Variants in KRAS observed in about 807,000 individuals in gnomAD.
KRAS encodes the protein GTPase KRas.
KRAS carries 1 observed loss-of-function variant against 21.0 expected under a neutral mutation model. That is an observed-to-expected ratio of 0.05 (90% CI 0.02 to 0.23). The LOEUF is 0.23. Among genes scored for constraint, KRAS ranks in the 10% least tolerant of loss-of-function variants. The probability of loss-of-function intolerance (pLI) is 1.00; values close to 1 mark genes in which losing one functional copy is unlikely to be tolerated. For synonymous variants in KRAS, 67 were observed against 72.5 expected (o/e 0.92, Z 0.39); for missense variants, 107 against 221.8 (o/e 0.48, Z 3.29).
At chr12:25,221,684 C>G (rs1951327802) in intron 4 of KRAS, among the ~76,000 whole-genome samples, 1 of 152,036 alleles carries the variant, frequency 6.6e-6, no homozygotes, top group South Asian at 2.1e-4. Flanking sequence ...ATTTGCCAGC[C>G]TCTGATTTAC....
intron 2 of KRAS, among the ~76,000 whole-genome samples, chr12:25,228,803 G>A (rs1951427027): frequency 6.6e-6 from 1 of 152,190 alleles, no homozygotes; most frequent in Non-Finnish European, 1.5e-5. Context: ...GCTCACACTT[G>A]CAATCCCAAC....
At chr12:25,220,510 C>T (rs984311094) in intron 4 of KRAS, among the ~76,000 whole-genome samples, 2 of 152,092 alleles carry the variant, frequency 1.3e-5, no homozygotes, top group Non-Finnish European at 2.9e-5. Flanking sequence ...GGGCAGATCA[C>T]GAGGTCAAGA....
At chr12:25,218,846 C>T (rs891534357) in intron 4 of KRAS, among the ~76,000 whole-genome samples, 5 of 152,062 alleles carry the variant, frequency 3.3e-5, no homozygotes, top group Admixed American at 6.5e-5. Context: ...TCATTAAGCT[C>T]TTAACTAGCA....
intron 2 of KRAS, among the ~76,000 whole-genome samples, chr12:25,240,946 A>T (rs557857644): frequency 4.6e-5 from 7 of 152,312 alleles, no homozygotes; most frequent in Middle Eastern, 3.4e-3. Flanking sequence ...GCACTTTCAC[A>T]ATTTGCCACT....
rs189290562 is a variant in KRAS, at chr12:25,229,093, C to A, written c.112-1681G>T. Among the ~76,000 whole-genome samples, 400 of 151,940 alleles carry A rather than the reference C, an allele frequency of 2.6e-3. 2 individuals are homozygous for A. Among genetic ancestry groups the A allele is most frequent in the African/African-American group, 8.8e-3 (366 of 41,468 alleles). ...AAACAAAACAAATGAAAGAAAACTACCATGGTAAACTTTATGTTATGCATA... is the reference window on the plus strand; with the variant it reads ...AAACAAAACAAATGAAAGAAAACTAACATGGTAAACTTTATGTTATGCATA... On this transcript the variant is annotated intron_variant, in intron 2 of 4. Coordinates refer to ENST00000311936, the MANE Select transcript of KRAS (RefSeq NM_004985.5).
At chr12:25,246,607 A>C (rs1475068913) in intron 1 of KRAS, among the ~76,000 whole-genome samples, 1 of 152,054 alleles carries the variant, frequency 6.6e-6, no homozygotes, top group Non-Finnish European at 1.5e-5. Context: ...GTTTTTAGTA[A>C]GAAAACAGCT....
At position 25,250,753 on chromosome 12, in the gene KRAS, C is replaced by G. The variant is rs1592829132; in HGVS notation, c.-14G>C. ...AGGAGGGGTGGTCCGCTCCGTACCTCTCTCCCGCACCTGGGAGCCGCTGAG... is the reference window on the plus strand; with the variant it reads ...AGGAGGGGTGGTCCGCTCCGTACCTGTCTCCCGCACCTGGGAGCCGCTGAG... On this transcript the variant is annotated splice_region_variant and 5_prime_UTR_variant, in exon 1 of 5. Coordinates refer to ENST00000311936, the MANE Select transcript of KRAS (RefSeq NM_004985.5). 5 of 197,210 alleles carry G rather than the reference C, an allele frequency of 2.5e-5. No homozygotes were observed. In the East Asian group the frequency reaches 3.2e-4, roughly 13 times the overall value. 12.2% of individuals were successfully genotyped at this position (197,210 alleles called of 1,614,324 possible).
intron 1 of KRAS, among the ~76,000 whole-genome samples, chr12:25,246,578 A>C (rs1307084117): frequency 1.3e-5 from 2 of 151,260 alleles, no homozygotes; most frequent in Non-Finnish European, 2.9e-5. Flanking sequence ...AACAAACAAA[A>C]AGATTAGAGA....
At chr12:25,242,630 T>A (rs1347984102) in intron 2 of KRAS, among the ~76,000 whole-genome samples, 5 of 152,210 alleles carry the variant, frequency 3.3e-5, no homozygotes, top group Non-Finnish European at 5.9e-5. Context: ...CTATGTGTCA[T>A]ACCTGAATGA....
At chr12:25,244,689 A>T (rs1167498944) in intron 2 of KRAS, among the ~76,000 whole-genome samples, 1 of 152,110 alleles carries the variant, frequency 6.6e-6, no homozygotes, top group Non-Finnish European at 1.5e-5. Flanking sequence ...ATTTTTTTTT[A>T]AATCCTAGTA....
chr12:25,233,891 C>T (rs1405288173), intron 2 of KRAS: 1 of 191,710 alleles, frequency 5.2e-6, no homozygotes, highest in African/African-American at 2.3e-5. Context: ...AACATAAATA[C>T]AATTTAACAG....
chr12:25,213,519 T>C (rs1044109717), intron 4 of KRAS, among the ~76,000 whole-genome samples: 2 of 152,224 alleles, frequency 1.3e-5, no homozygotes, highest in African/African-American at 4.8e-5. Context: ...CAGAATGATA[T>C]TCAAAAACAT....
Position 25,207,624 on chromosome 12 carries a change from AG to A in KRAS, c.*2170del, listed in dbSNP as rs2033950695. On this transcript the variant is annotated 3_prime_UTR_variant, in exon 5 of 5. Coordinates refer to ENST00000311936, the MANE Select transcript of KRAS (RefSeq NM_004985.5). Reference sequence around the variant, plus strand: ...TGTTACCAGGAGTAGTCCTAGTTATAGATTACCTAAGGAATTCTTTCAGCAC... The same window carrying A: ...TGTTACCAGGAGTAGTCCTAGTTATAATTACCTAAGGAATTCTTTCAGCAC... The A allele has an allele frequency of 4.3e-6, 1 of 231,260 alleles. No individual in the cohort carries two copies. The highest frequency in any genetic ancestry group is 8.6e-6 in the Non-Finnish European group (1 of 116,904). 14.3% of individuals were successfully genotyped at this position (231,260 alleles called of 1,614,324 possible).
At chr12:25,227,108 C>T in intron 3 of KRAS, 126 bp downstream of exon 3, 1 of 620,576 alleles carries the variant, frequency 1.6e-6, no homozygotes, top group Admixed American at 3.1e-5. Flanking sequence ...AGGGATATTA[C>T]CTACCTCATA....
chr12:25,246,980 T>C (rs1951691972), intron 1 of KRAS, among the ~76,000 whole-genome samples: 1 of 152,190 alleles, frequency 6.6e-6, no homozygotes, highest in African/African-American at 2.4e-5. Context: ...TGTTACTCTT[T>C]GCTTTTCATA....
chr12:25,243,432 G>A (rs1181406711), intron 2 of KRAS, among the ~76,000 whole-genome samples: 2 of 152,190 alleles, frequency 1.3e-5, no homozygotes, highest in Non-Finnish European at 1.5e-5. Flanking sequence ...AGAGTTATAG[G>A]TTTAAGTTTA....
At chr12:25,213,727 G>A (rs930201090) in intron 4 of KRAS, among the ~76,000 whole-genome samples, 1 of 152,148 alleles carries the variant, frequency 6.6e-6, no homozygotes, top group Admixed American at 6.6e-5. Context: ...AGTAGTTTTT[G>A]AAAACTGTAA....
At chr12:25,232,209 CTAAA>C (rs1316683982) in intron 2 of KRAS, among the ~76,000 whole-genome samples, 1 of 152,114 alleles carries the variant, frequency 6.6e-6, no homozygotes, top group Non-Finnish European at 1.5e-5. Context: ...AATTTAGAGT[CTAAA>C]TAAGGTTTCA....
At chr12:25,240,591 T>C (rs1391292690) in intron 2 of KRAS, among the ~76,000 whole-genome samples, 1 of 152,218 alleles carries the variant, frequency 6.6e-6, no homozygotes, top group African/African-American at 2.4e-5. Context: ...AGTGTATCTC[T>C]AGCCCACAGG....
Sources: allele counts gnomAD v4.1 joint callset (sites outside exome capture counted in the v4.1 genomes callset), GRCh38; gene constraint gnomAD v4.1.1; transcripts MANE v1.5; gene names NCBI Gene and HGNC (gene_info 2026-07-23, HGNC 2026-07-21).